EYS: variants seen among roughly 807,000 people sequenced by gnomAD.
EYS encodes the protein protein eyes shut homolog.
EYS carries 250 observed loss-of-function variants against 282.1 expected under a neutral mutation model. That is an observed-to-expected ratio of 0.89 (90% confidence interval 0.80 to 0.98). The LOEUF is 0.98. Ranked by LOEUF, EYS falls within the 50% of genes least tolerant of loss-of-function variation. The probability of loss-of-function intolerance (pLI) is 0.00; values close to 1 mark genes in which losing one functional copy is unlikely to be tolerated. For missense variants in EYS, 4,016 were observed against 3,709.0 expected, an observed-to-expected ratio of 1.08 and a Z score of -2.15; for synonymous variants, 1,355 against 1,282.9, an observed-to-expected ratio of 1.06 and a Z score of -1.20.
intron 8 of EYS, among the ~76,000 whole-genome samples, chr6:65,354,689 C>T (rs114592746): frequency 3.6e-4 from 54 of 152,046 alleles, no homozygotes; most frequent in Admixed American, 1.4e-3. Context: ...CAGTGGCGTG[C>T]GCCTGTAATC....
At chr6:63,958,653 G>C (rs945570217) in intron 35 of EYS, among the ~76,000 whole-genome samples, 16 of 152,218 alleles carry the variant, frequency 1.1e-4, no homozygotes, top group Non-Finnish European at 4.4e-5. Flanking sequence ...AGGTAGAGAA[G>C]AGAAGTCAAT....
At chr6:64,338,157 G>A (rs992415457) in intron 29 of EYS, among the ~76,000 whole-genome samples, 2 of 151,878 alleles carry the variant, frequency 1.3e-5, no homozygotes, top group Non-Finnish European at 2.9e-5. Context: ...AGGAAATAAA[G>A]GGCATCCAAA....
intron 37 of EYS, 62 bp downstream of exon 37, chr6:63,806,128 A>G (rs772837286): frequency 9.6e-6 from 13 of 1,358,112 alleles, no homozygotes; most frequent in African/African-American, 1.5e-5. Context: ...AGTGTCCCTG[A>G]GGAATCTCTA....
intron 19 of EYS, among the ~76,000 whole-genome samples, chr6:64,852,245 G>A (rs926172683): frequency 6.6e-6 from 1 of 152,140 alleles, no homozygotes; most frequent in African/African-American, 2.4e-5. Flanking sequence ...TAACATTTGG[G>A]TCAGTGTTCT....
chr6:64,230,319 TA>T (rs1207537756), intron 31 of EYS, among the ~76,000 whole-genome samples: 1 of 152,182 alleles, frequency 6.6e-6, no homozygotes, highest in African/African-American at 2.4e-5. Flanking sequence ...AGTAACTACA[TA>T]AAAAACACTA....
chr6:65,176,950 G>T (rs1243754172), intron 12 of EYS, among the ~76,000 whole-genome samples: 1 of 151,478 alleles, frequency 6.6e-6, no homozygotes, highest in Non-Finnish European at 1.5e-5. Flanking sequence ...TCATATGTCA[G>T]TTCATATCAT....
chr6:64,566,164 C>T (rs1351963948), intron 26 of EYS, among the ~76,000 whole-genome samples: 12 of 152,050 alleles, frequency 7.9e-5, no homozygotes, highest in African/African-American at 1.9e-4. Flanking sequence ...GACTTATGCA[C>T]AATTATTCTC....
chr6:64,318,412 G>A (rs1367825538), intron 29 of EYS, among the ~76,000 whole-genome samples: 1 of 151,956 alleles, frequency 6.6e-6, no homozygotes, highest in African/African-American at 2.4e-5. Context: ...GTTACACAAA[G>A]TTTAGACAGA....
chr6:65,326,998 G>C (rs1769640401), intron 11 of EYS, among the ~76,000 whole-genome samples: 1 of 151,390 alleles, frequency 6.6e-6, no homozygotes, highest in Non-Finnish European at 1.5e-5. Context: ...CAATAATTGT[G>C]TTTCTTCCTA....
intron 26 of EYS, among the ~76,000 whole-genome samples, chr6:64,519,717 A>C (rs1777671432): frequency 6.6e-6 from 1 of 151,918 alleles, no homozygotes; most frequent in South Asian, 2.1e-4. Flanking sequence ...AGGAGTTTGA[A>C]ACTTGAAGAA....
chr6:64,292,435 T>A (rs1884179), intron 30 of EYS, among the ~76,000 whole-genome samples: 11 of 151,792 alleles, frequency 7.2e-5, no homozygotes, highest in Non-Finnish European at 1.6e-4. Flanking sequence ...AGAAAATAAA[T>A]TGAGTTGCTA....
chr6:65,081,240 T>G (rs2150171596), intron 12 of EYS, among the ~76,000 whole-genome samples: 1 of 152,174 alleles, frequency 6.6e-6, no homozygotes, highest in East Asian at 1.9e-4. Context: ...CAGTAGCCCC[T>G]TTTAACATTC....
chr6:64,913,976 A>G lies in EYS; in HGVS notation c.2382-1233T>C, dbSNP rs573482036. The stretch of plus-strand genomic sequence containing the variant: ...TCTAGCTCAGTCTAGTCCTCCATCC[A>G]GTATCTGTCATTATCTTCAAATACC... On this transcript the variant is annotated intron_variant, in intron 15 of 42. Transcript: ENST00000503581. Among the ~76,000 whole-genome samples the G allele has an allele frequency of 7.9e-5, 12 of 152,294 alleles. No homozygotes were observed. In the East Asian group the frequency reaches 2.3e-3, roughly 29 times the overall value.
chr6:64,032,811 A>G (rs559037202), intron 33 of EYS, among the ~76,000 whole-genome samples: 174 of 152,338 alleles, frequency 1.1e-3, no homozygotes, highest in Non-Finnish European at 2.0e-3. Flanking sequence ...CAGAACTTTC[A>G]TGTCCTTTCT....
intron 29 of EYS, among the ~76,000 whole-genome samples, chr6:64,315,080 T>C (rs1769892987): frequency 1.3e-5 from 2 of 151,732 alleles, no homozygotes; most frequent in South Asian, 4.2e-4. Flanking sequence ...CAATAAAAAA[T>C]GATAAAGGGG....
chr6:65,415,421 G>A (rs1238903748), intron 5 of EYS, among the ~76,000 whole-genome samples: 4 of 152,040 alleles, frequency 2.6e-5, no homozygotes, highest in African/African-American at 9.7e-5. Context: ...AAGTACAGTG[G>A]TATGAAGTAG....
At chr6:64,388,959 C>T in intron 28 of EYS, 119 bp from the exon 29 acceptor site, 1 of 676,370 alleles carries the variant, frequency 1.5e-6, no homozygotes, top group Non-Finnish European at 2.2e-6. Context: ...CACAATAAAA[C>T]AAAGCCAGAA....
chr6:64,465,457 T>C (rs1775886073), intron 26 of EYS, among the ~76,000 whole-genome samples: 1 of 152,058 alleles, frequency 6.6e-6, no homozygotes, highest in Admixed American at 6.5e-5. Flanking sequence ...GAAACAAATA[T>C]ATGCATTTAA....
At chr6:65,485,198 G>C (rs926262742) in intron 5 of EYS, among the ~76,000 whole-genome samples, 3 of 152,168 alleles carry the variant, frequency 2.0e-5, no homozygotes, top group Non-Finnish European at 4.4e-5. Context: ...ATGATCCACT[G>C]TAGGATATTA....
Sources: allele counts gnomAD v4.1 joint callset (sites outside exome capture counted in the v4.1 genomes callset), GRCh38; gene constraint gnomAD v4.1.1; transcripts MANE v1.5; gene names NCBI Gene and HGNC (gene_info 2026-07-23, HGNC 2026-07-21).